The following DLG2 variants were observed in gnomAD, a reference collection of about 807,000 sequenced individuals.
DLG2 encodes the protein disks large homolog 2.
In DLG2, 45 loss-of-function variants were observed where a neutral mutation model predicts 132.5. The observed-to-expected ratio is 0.34, with a 90% CI of 0.27 to 0.44. DLG2 has a LOEUF of 0.44. Ranked by LOEUF, DLG2 falls within the 20% of genes least tolerant of loss-of-function variation. DLG2 has a pLI of 1.00. For missense variants in DLG2, 1,045 were observed against 1,196.9 expected, an observed-to-expected ratio of 0.87 and a Z score of 1.87; for synonymous variants, 424 against 419.6, an observed-to-expected ratio of 1.01 and a Z score of -0.13.
intron 8 of DLG2, among the ~76,000 whole-genome samples, chr11:84,242,604 C>T (rs2097246348): frequency 6.6e-6 from 1 of 152,034 alleles, no homozygotes; most frequent in African/African-American, 2.4e-5. Flanking sequence ...CACGGTTTCA[C>T]CATGTTGGCC....
At chr11:84,629,862 C>A (rs1267000801) in intron 6 of DLG2, among the ~76,000 whole-genome samples, 1 of 152,102 alleles carries the variant, frequency 6.6e-6, no homozygotes, top group Non-Finnish European at 1.5e-5. Flanking sequence ...GAAAGAAGAA[C>A]AAGAGAAAGG....
rs577146407 is a variant in DLG2, at chr11:83,930,400, T to C, written c.1424A>G (p.Asp475Gly). The C allele has an allele frequency of 6.2e-7, 1 of 1,614,118 alleles. No individual in the cohort carries two copies. The highest frequency in any genetic ancestry group is 8.5e-7 in the Non-Finnish European group (1 of 1,179,972). Residue 475 changes from aspartate to glycine, a missense_variant, in exon 15 of 28, where the codon GAC becomes GGC. Asp to Gly is a moderately conservative substitution (Grantham distance 94). Around this residue, in one of 4 missense-constraint regions of DLG2, gnomAD observed 261 missense variants for 256.1 expected, o/e 1.02. Coordinates refer to ENST00000376104, the MANE Select transcript of DLG2 (RefSeq NM_001142699.3). ...SPRHYSPVECDKSFLLSAPYS... is the reference protein window; with the variant it reads ...SPRHYSPVECGKSFLLSAPYS... ...GGGAGCTGAGAGGAGGAAGCTTTTG[T>C]CACACTCAACAGGGGAATAGTGCCT...
At position 84,755,164 on chromosome 11, in the gene DLG2, G is replaced by T. The variant is rs187324345; in HGVS notation, c.358-220433C>A. Among the ~76,000 whole-genome samples, 461 of 152,242 alleles carry T rather than the reference G, an allele frequency of 3.0e-3. 3 individuals are homozygous for T. The highest frequency in any genetic ancestry group is 4.4e-3 in the Non-Finnish European group (298 of 68,010). ...TGAAGAGACCGGAAGAACCCTAGATGTTACAGTGAATGTTTTGAAGGTCAC... is the reference window on the plus strand; with the variant it reads ...TGAAGAGACCGGAAGAACCCTAGATTTTACAGTGAATGTTTTGAAGGTCAC... On this transcript the variant is annotated intron_variant, in intron 6 of 27. Transcript: ENST00000376104.
intron 18 of DLG2, among the ~76,000 whole-genome samples, chr11:83,669,900 A>C (rs549132986): frequency 6.6e-6 from 1 of 152,386 alleles, no homozygotes; most frequent in South Asian, 2.1e-4. Flanking sequence ...AGCCAAAGGA[A>C]GAGCTATGGA....
intron 24 of DLG2, among the ~76,000 whole-genome samples, chr11:83,470,917 C>T (rs562057804): frequency 3.9e-5 from 6 of 152,044 alleles, no homozygotes; most frequent in African/African-American, 1.4e-4. Context: ...TGTCTACATA[C>T]GTAGAAGGTC....
chr11:84,498,867 G>A (rs889013592), intron 7 of DLG2, among the ~76,000 whole-genome samples: 4 of 152,100 alleles, frequency 2.6e-5, no homozygotes, highest in Admixed American at 2.0e-4. Flanking sequence ...AGGTAACAGA[G>A]AAAGTAAATA....
chr11:83,731,353 G>T (rs2090974956), intron 18 of DLG2, among the ~76,000 whole-genome samples: 1 of 152,126 alleles, frequency 6.6e-6, no homozygotes, highest in South Asian at 2.1e-4. Context: ...TGTTCTTGTT[G>T]TATAGGTCCC....
At chr11:84,707,115 G>T (rs1358321302) in intron 6 of DLG2, among the ~76,000 whole-genome samples, 1 of 151,464 alleles carries the variant, frequency 6.6e-6, no homozygotes, top group Non-Finnish European at 1.5e-5. Context: ...CATGAATGAG[G>T]GTCTGGCAAC....
chr11:84,045,617 A>G (rs2096225822), intron 11 of DLG2, among the ~76,000 whole-genome samples: 1 of 151,704 alleles, frequency 6.6e-6, no homozygotes, highest in Non-Finnish European at 1.5e-5. Flanking sequence ...CGTGCACAAA[A>G]TTCACTCACT....
At chr11:84,469,884 C>T (rs535537308) in intron 7 of DLG2, among the ~76,000 whole-genome samples, 9 of 151,500 alleles carry the variant, frequency 5.9e-5, no homozygotes, top group South Asian at 2.1e-4. Flanking sequence ...TAGGTGATTT[C>T]GGTGTTGTAC....
At chr11:84,034,824 G>C (rs138351734) in intron 11 of DLG2, among the ~76,000 whole-genome samples, 38 of 152,260 alleles carry the variant, frequency 2.5e-4, no homozygotes, top group African/African-American at 9.1e-4. Context: ...AATTGAGTGT[G>C]GATGAAGTGA....
At chr11:83,803,179 T>C (rs1356659885) in intron 17 of DLG2, among the ~76,000 whole-genome samples, 1 of 152,152 alleles carries the variant, frequency 6.6e-6, no homozygotes, top group African/African-American at 2.4e-5. Flanking sequence ...ACTGAATGCC[T>C]TCTTTGTGCC....
At chr11:85,544,064 C>A (rs1355164040) in intron 3 of DLG2, among the ~76,000 whole-genome samples, 1 of 152,038 alleles carries the variant, frequency 6.6e-6, no homozygotes, top group Non-Finnish European at 1.5e-5. Flanking sequence ...AAGTCTTTGC[C>A]CATGCCTATG....
At chr11:83,652,758 A>C (rs2070982957) in intron 18 of DLG2, among the ~76,000 whole-genome samples, 1 of 152,154 alleles carries the variant, frequency 6.6e-6, no homozygotes, top group Non-Finnish European at 1.5e-5. Flanking sequence ...CCTTCTGTGT[A>C]TAGTGTCATA....
intron 18 of DLG2, among the ~76,000 whole-genome samples, chr11:83,772,485 G>A (rs1436935802): frequency 7.2e-6 from 1 of 139,822 alleles, no homozygotes; most frequent in African/African-American, 2.7e-5. Context: ...AGGAAGGAAG[G>A]AAGGAGAAGG....
chr11:84,261,976 T>C (rs1180049448), intron 7 of DLG2, among the ~76,000 whole-genome samples: 1 of 152,170 alleles, frequency 6.6e-6, no homozygotes, highest in Non-Finnish European at 1.5e-5. Flanking sequence ...CTCCAGACCA[T>C]GCTATTCACT....
intron 14 of DLG2, among the ~76,000 whole-genome samples, chr11:83,961,029 G>A (rs967168717): frequency 9.2e-5 from 14 of 152,036 alleles, no homozygotes; most frequent in East Asian, 3.9e-4. Context: ...CACGTGTACC[G>A]TAAAAATATT....
At chr11:84,339,782 G>A (rs991502258) in intron 7 of DLG2, among the ~76,000 whole-genome samples, 2 of 152,144 alleles carry the variant, frequency 1.3e-5, no homozygotes, top group African/African-American at 4.8e-5. Context: ...TTTACTCATA[G>A]AGCATTGTTG....
chr11:84,960,200 C>T (rs1478118066), intron 6 of DLG2, among the ~76,000 whole-genome samples: 1 of 152,064 alleles, frequency 6.6e-6, no homozygotes, highest in African/African-American at 2.4e-5. Context: ...CTTTTTATTC[C>T]TCATAGTGTC....
Sources: allele counts gnomAD v4.1 joint callset (sites outside exome capture counted in the v4.1 genomes callset), GRCh38; gene constraint gnomAD v4.1.1; regional missense constraint gnomAD v4.1.1; transcripts MANE v1.5; gene names NCBI Gene and HGNC (gene_info 2026-07-23, HGNC 2026-07-21).